Variants in ME1 observed in about 807,000 individuals in gnomAD.
The protein encoded by ME1 is malic enzyme 1, also known as NADP-dependent malic enzyme.
A neutral mutation model predicts 66.4 loss-of-function variants in ME1; 74 were observed. The ratio of observed to expected loss-of-function variants is 1.11; its 90% confidence interval spans 0.92 to 1.35. The LOEUF is 1.35. Among genes scored for constraint, ME1 ranks in the 40% most tolerant of loss-of-function variants. The pLI is 0.00. For missense variants in ME1, 750 were observed against 694.1 expected, an observed-to-expected ratio of 1.08 and a Z score of -0.90; for synonymous variants, 251 against 235.6, an observed-to-expected ratio of 1.07 and a Z score of -0.60.
At chr6:83,379,471 C>T (rs995897949) in intron 3 of ME1, among the ~76,000 whole-genome samples, 5 of 152,056 alleles carry the variant, frequency 3.3e-5, no homozygotes, top group East Asian at 1.9e-4. Flanking sequence ...ATATACTAGT[C>T]GTGAGACAGA....
chr6:83,420,863 TTTG>T (rs749930110), intron 1 of ME1, among the ~76,000 whole-genome samples: 17 of 152,210 alleles, frequency 1.1e-4, no homozygotes, highest in East Asian at 9.6e-4. Flanking sequence ...CAGAGAAATT[TTTG>T]TTGTTGTTGT....
intron 6 of ME1, among the ~76,000 whole-genome samples, chr6:83,314,128 C>T (rs1232301720): frequency 6.6e-6 from 1 of 152,022 alleles, no homozygotes; most frequent in African/African-American, 2.4e-5. Flanking sequence ...GGATGACTGT[C>T]AGTGTGATAA....
At chr6:83,349,398 G>C (rs943056671) in intron 4 of ME1, among the ~76,000 whole-genome samples, 7 of 152,106 alleles carry the variant, frequency 4.6e-5, no homozygotes, top group Non-Finnish European at 1.0e-4. Flanking sequence ...CACAACTGCA[G>C]GATTAATATC....
chr6:83,281,802 T>C (rs1444763088), intron 6 of ME1, among the ~76,000 whole-genome samples: 1 of 61,512 alleles, frequency 1.6e-5, no homozygotes, highest in African/African-American at 7.6e-5. Flanking sequence ...TGAGACTCTG[T>C]CTCCAAAAAA....
intron 3 of ME1, among the ~76,000 whole-genome samples, chr6:83,359,783 C>A (rs1027076597): frequency 6.6e-6 from 1 of 152,204 alleles, no homozygotes; most frequent in Non-Finnish European, 1.5e-5. Flanking sequence ...GTAGCACCTA[C>A]ATCTTTGAAA....
At chr6:83,297,290 C>T (rs1767616787) in intron 6 of ME1, among the ~76,000 whole-genome samples, 1 of 152,064 alleles carries the variant, frequency 6.6e-6, no homozygotes, top group African/African-American at 2.4e-5. Context: ...CTACAAAACA[C>T]TGCGGAAGGA....
intron 6 of ME1, among the ~76,000 whole-genome samples, chr6:83,300,167 T>A (rs1366479262): frequency 6.6e-6 from 1 of 152,132 alleles, no homozygotes; most frequent in African/African-American, 2.4e-5. Context: ...ATTCAATAAA[T>A]GGTGCTGGGA....
At chr6:83,343,674 G>A (rs553438725) in intron 5 of ME1, among the ~76,000 whole-genome samples, 15 of 152,146 alleles carry the variant, frequency 9.9e-5, no homozygotes, top group Non-Finnish European at 1.5e-4. Flanking sequence ...AAGAAATTTC[G>A]TGAAGGATAG....
intron 6 of ME1, among the ~76,000 whole-genome samples, chr6:83,258,021 G>A (rs1470652457): frequency 6.6e-6 from 1 of 152,052 alleles, no homozygotes; most frequent in East Asian, 1.9e-4. Context: ...TACTTACTTG[G>A]TTCTGCGGTT....
In ME1 at chr6:83,430,940, G is replaced by T. The variant is rs1292055509; in HGVS notation, c.15C>A (p.Ala5=). MEPE[A]PRRRHTHQRG... ...GCTGATGGGTGTGGCGGCGACGGGG[G>T]GCTTCGGGCTCCATGGCTGGCGCCG... Residue 5 remains alanine, a synonymous_variant, in exon 1 of 14, where the codon GCC becomes GCA. Coordinates refer to ENST00000369705, the MANE Select transcript of ME1 (RefSeq NM_002395.6). 1.3e-6 allele frequency: 2 copies of T among 1,586,100 alleles called. No homozygotes were observed. Among genetic ancestry groups the T allele is most frequent in the South Asian group, 1.1e-5 (1 of 87,990 alleles).
chr6:83,380,811 C>T (rs964442623), intron 3 of ME1, among the ~76,000 whole-genome samples: 11 of 152,062 alleles, frequency 7.2e-5, no homozygotes, highest in Non-Finnish European at 1.5e-4. Context: ...CTTGGAAATT[C>T]TCCAATTACA....
chr6:83,368,430 C>A (rs1583404143), intron 3 of ME1, among the ~76,000 whole-genome samples: 1 of 152,078 alleles, frequency 6.6e-6, no homozygotes, highest in Middle Eastern at 3.4e-3. Flanking sequence ...TTAAACGAGG[C>A]ATGCTTGTAC....
At chr6:83,418,543 T>C (rs1204568815) in intron 1 of ME1, among the ~76,000 whole-genome samples, 2 of 152,212 alleles carry the variant, frequency 1.3e-5, no homozygotes, top group Non-Finnish European at 2.9e-5. Context: ...GTTCATCTTA[T>C]CCAGAAACAC....
At chr6:83,317,150 T>C (rs1054075501) in intron 5 of ME1, among the ~76,000 whole-genome samples, 7 of 152,166 alleles carry the variant, frequency 4.6e-5, no homozygotes, top group Non-Finnish European at 8.8e-5. Flanking sequence ...ATTGAAGGAA[T>C]ATAGAGGACA....
chr6:83,308,478 A>G (rs888136944), intron 6 of ME1, among the ~76,000 whole-genome samples: 6 of 84,050 alleles, frequency 7.1e-5, no homozygotes, highest in African/African-American at 1.7e-4. Context: ...CTGATTCTGT[A>G]AAAAAAAAAA....
chr6:83,357,766 G>A (rs1385674121), intron 3 of ME1, among the ~76,000 whole-genome samples: 1 of 151,552 alleles, frequency 6.6e-6, no homozygotes, highest in Admixed American at 6.6e-5. Flanking sequence ...CTCCCATGCT[G>A]GATGCTTCCT....
chr6:83,280,966 T>C (rs946183711), intron 6 of ME1, among the ~76,000 whole-genome samples: 5 of 152,228 alleles, frequency 3.3e-5, no homozygotes, highest in Non-Finnish European at 7.3e-5. Context: ...TCATTTTTAT[T>C]ATTGTCAACT....
chr6:83,318,090 G>T (rs1244363631), intron 5 of ME1, among the ~76,000 whole-genome samples: 1 of 151,772 alleles, frequency 6.6e-6, no homozygotes, highest in Non-Finnish European at 1.5e-5. Flanking sequence ...GGGAAAACTG[G>T]CTAGCCATAT....
At chr6:83,220,085 C>G (rs1583324472) in intron 12 of ME1, among the ~76,000 whole-genome samples, 1 of 152,094 alleles carries the variant, frequency 6.6e-6, no homozygotes, top group East Asian at 1.9e-4. Flanking sequence ...CTATAAACAC[C>G]AGGACACTGC....
Sources: allele counts gnomAD v4.1 joint callset (sites outside exome capture counted in the v4.1 genomes callset), GRCh38; gene constraint gnomAD v4.1.1; transcripts MANE v1.5; gene names NCBI Gene and HGNC (gene_info 2026-07-23, HGNC 2026-07-21).